PPM1E: variants seen among roughly 807,000 people sequenced by gnomAD.
PPM1E encodes the protein protein phosphatase, Mg2+/Mn2+ dependent 1E.
A neutral mutation model predicts 65.9 loss-of-function variants in PPM1E; 20 were observed. The observed-to-expected ratio is 0.30, with a 90% CI of 0.21 to 0.44. The LOEUF is 0.44. PPM1E is among the 20% of genes least tolerant of loss of function. The pLI is 1.00. For synonymous variants in PPM1E, 352 were observed against 374.9 expected, an observed-to-expected ratio of 0.94 and a Z score of 0.70; for missense variants, 713 against 953.1, an observed-to-expected ratio of 0.75 and a Z score of 3.32.
intron 1 of PPM1E, among the ~76,000 whole-genome samples, chr17:58,837,278 A>G (rs1051521756): frequency 1.9e-4 from 28 of 148,590 alleles, no homozygotes; most frequent in African/African-American, 6.1e-4. Flanking sequence ...AAAAAAAAAA[A>G]AAAAGAATTC....
At chr17:58,941,962 G>A (rs1254510579) in intron 1 of PPM1E, among the ~76,000 whole-genome samples, 12 of 145,528 alleles carry the variant, frequency 8.2e-5, no homozygotes, top group East Asian at 2.0e-4. Flanking sequence ...CCAAGATCGC[G>A]CCATTGCACT....
intron 1 of PPM1E, among the ~76,000 whole-genome samples, chr17:58,821,000 A>G (rs1017802438): frequency 3.9e-5 from 6 of 152,126 alleles, no homozygotes; most frequent in Non-Finnish European, 8.8e-5. Flanking sequence ...ATTATAATGT[A>G]TGATGTTTAA....
intron 1 of PPM1E, among the ~76,000 whole-genome samples, chr17:58,865,407 A>C (rs1289438875): frequency 6.6e-6 from 1 of 151,482 alleles, no homozygotes; most frequent in Non-Finnish European, 1.5e-5. Context: ...AAAAACAAAA[A>C]AGATTATGCA....
intron 1 of PPM1E, among the ~76,000 whole-genome samples, chr17:58,822,331 TTTATTTATTTA>T (rs1567843983): frequency 9.0e-4 from 3 of 3,348 alleles, no homozygotes; most frequent in African/African-American, 1.5e-3. Context: ...TTTATTTTTA[TTTATTTATTTA>T]TTTATTTATT....
At chr17:58,835,723 G>C (rs2050649305) in intron 1 of PPM1E, among the ~76,000 whole-genome samples, 2 of 151,948 alleles carry the variant, frequency 1.3e-5, no homozygotes, top group Admixed American at 6.6e-5. Flanking sequence ...TAAAAAATTA[G>C]CCGTGCATGG....
rs191352571 is a variant in PPM1E at position 58,792,518 on chromosome 17, G to T, written c.464+36057G>T. On this transcript the variant is annotated intron_variant, in intron 1 of 6. Coordinates refer to ENST00000308249, the MANE Select transcript of PPM1E (RefSeq NM_014906.5). Reference sequence around the variant, plus strand: ...ACCATGCCCTGCTAATTTTTGTATGGTTTTGTAGAGACAGGGTTTCACCAT... The same window carrying T: ...ACCATGCCCTGCTAATTTTTGTATGTTTTTGTAGAGACAGGGTTTCACCAT... 5.7e-3 allele frequency among the ~76,000 whole-genome samples: 859 copies of T among 150,510 alleles called. 5 individuals are homozygous for T. The highest frequency in any genetic ancestry group is 9.1e-3 in the African/African-American group (376 of 41,134).
In PPM1E at chr17:58,979,969, C is replaced by T. The variant is rs751979084; in HGVS notation, c.1211-5C>T. On this transcript the variant is annotated splice_region_variant and splice_polypyrimidine_tract_variant and intron_variant, in intron 6 of 6. Transcript: ENST00000308249. ...AATGATGCCCCTACACTCTGCTTCC[C>T]GCAGGAGATGCTGAACATAAGCCAT... 1.8e-5 allele frequency: 29 copies of T among 1,606,464 alleles called. No individual in the cohort carries two copies. The highest frequency in any genetic ancestry group is 3.3e-5 in the South Asian group (3 of 90,296).
At chr17:58,890,922 T>C (rs2051336919) in intron 1 of PPM1E, among the ~76,000 whole-genome samples, 1 of 152,204 alleles carries the variant, frequency 6.6e-6, no homozygotes, top group Non-Finnish European at 1.5e-5. Context: ...TACCTCTGTA[T>C]TCTTAGTACT....
At chr17:58,816,735 AATATAAATATATATATATATATATAT>A (rs2050418544) in intron 1 of PPM1E, among the ~76,000 whole-genome samples, 2 of 111,812 alleles carry the variant, frequency 1.8e-5, no homozygotes, top group Non-Finnish European at 1.7e-5. Flanking sequence ...CATGTATCAG[AATATAAATATATATATATATATATAT>A]ATATATATAT....
intron 1 of PPM1E, among the ~76,000 whole-genome samples, chr17:58,880,789 A>G (rs2051186390): frequency 6.6e-6 from 1 of 151,638 alleles, no homozygotes; most frequent in Non-Finnish European, 1.5e-5. Context: ...ACTGCTAGCT[A>G]ATTTTTTTTG....
In PPM1E at chr17:58,969,650, C is replaced by T. The variant is rs969191337; in HGVS notation, c.895C>T (p.Pro299Ser). 8 of 1,613,994 alleles carry T rather than the reference C, an allele frequency of 5.0e-6. No individual in the cohort carries two copies. The African/African-American group carries it at 1.1e-4, about 22-fold the overall frequency. ...TAACTTAGTCCGCCAGGAGATGTTC[C>T]CCCATGATCCTGCTGAGGCCCTGTG... ...HVNLVRQEMF[P>S]HDPAEALCRA... Residue 299 changes from proline to serine, a missense_variant, in exon 4 of 7, where the codon CCC becomes TCC. By Grantham distance (74) the Pro-to-Ser change is moderately conservative (BLOSUM62 -1). Transcript: ENST00000308249.
intron 1 of PPM1E, among the ~76,000 whole-genome samples, chr17:58,782,357 A>G (rs2050058290): frequency 1.3e-5 from 2 of 152,094 alleles, no homozygotes; most frequent in African/African-American, 2.4e-5. Flanking sequence ...GGCAAGTGCA[A>G]CTAAAACTAC....
At chr17:58,916,852 A>G (rs2051688917) in intron 1 of PPM1E, among the ~76,000 whole-genome samples, 1 of 152,190 alleles carries the variant, frequency 6.6e-6, no homozygotes, top group African/African-American at 2.4e-5. Flanking sequence ...AGTACTATAC[A>G]AATATGTGGT....
chr17:58,818,971 C>A (rs2050453382), intron 1 of PPM1E, among the ~76,000 whole-genome samples: 1 of 152,138 alleles, frequency 6.6e-6, no homozygotes, highest in African/African-American at 2.4e-5. Flanking sequence ...ATGTGAATAG[C>A]CACTACACTC....
chr17:58,963,964 A>G (rs2030130703), intron 2 of PPM1E, among the ~76,000 whole-genome samples: 1 of 152,206 alleles, frequency 6.6e-6, no homozygotes, highest in Admixed American at 6.5e-5. Flanking sequence ...TTAATGAGGA[A>G]AAAAAGGACA....
intron 1 of PPM1E, among the ~76,000 whole-genome samples, chr17:58,832,759 A>G (rs1361400143): frequency 1.3e-5 from 2 of 152,192 alleles, no homozygotes; most frequent in South Asian, 2.1e-4. Context: ...TGACATTGGT[A>G]CAATACTATT....
intron 1 of PPM1E, among the ~76,000 whole-genome samples, chr17:58,871,349 T>C (rs187669663): frequency 6.6e-6 from 1 of 152,238 alleles, no homozygotes. Context: ...CTCTGTATGC[T>C]CTTCTTAAGG....
In PPM1E at chr17:58,912,217, G is replaced by T. The variant is rs116909190; in HGVS notation, c.465-43432G>T. On this transcript the variant is annotated intron_variant, in intron 1 of 6. Transcript: ENST00000308249. ...GGGCAAGTCAGGGCACAACAAGAGC[G>T]GGAGGGCTGCTTGCAGGCTAGAAAC... Among the ~76,000 whole-genome samples, 772 of 152,254 alleles carry T rather than the reference G, an allele frequency of 5.1e-3. 7 individuals are homozygous for T. The highest frequency in any genetic ancestry group is 0.014 in the Middle Eastern group (4 of 294).
intron 1 of PPM1E, among the ~76,000 whole-genome samples, chr17:58,873,922 T>C (rs896629391): frequency 2.0e-5 from 3 of 151,958 alleles, no homozygotes; most frequent in Non-Finnish European, 2.9e-5. Flanking sequence ...TTTTGCATGA[T>C]TTTTACACTA....
Sources: allele counts gnomAD v4.1 joint callset (sites outside exome capture counted in the v4.1 genomes callset), GRCh38; gene constraint gnomAD v4.1.1; transcripts MANE v1.5; gene names NCBI Gene and HGNC (gene_info 2026-07-23, HGNC 2026-07-21).